TMPRSS15: variants seen among roughly 807,000 people sequenced by gnomAD.
The protein encoded by TMPRSS15 is transmembrane serine protease 15.
TMPRSS15 carries 128 observed loss-of-function variants against 125.3 expected under a neutral mutation model. The observed-to-expected ratio is 1.02, with a 90% CI of 0.89 to 1.18. TMPRSS15 has a LOEUF of 1.18. Among genes scored for constraint, TMPRSS15 ranks in the 50% most tolerant of loss-of-function variants. TMPRSS15 has a pLI of 0.00. For missense variants in TMPRSS15, 1,283 were observed against 1,212.7 expected (o/e 1.06, Z -0.86); for synonymous variants, 446 against 423.2 (o/e 1.05, Z -0.66).
In TMPRSS15 at chr21:18,294,342, C is replaced by T. The variant is rs775373680; in HGVS notation, c.2414G>A (p.Gly805Asp). 1 of 1,614,234 alleles carries T rather than the reference C, an allele frequency of 6.2e-7. No homozygotes were observed. Residue 805 changes from glycine (G) to aspartate (D), a missense_variant, in exon 21 of 25, where the codon GGC becomes GAC. Gly to Asp is a moderately conservative substitution (Grantham distance 94). Coordinates refer to ENST00000284885, the MANE Select transcript of TMPRSS15 (RefSeq NM_002772.3). Reference protein sequence around the residue: ...AWPWVVGLYYGGRLLCGASLV... With the variant: ...AWPWVVGLYYDGRLLCGASLV... ...AGATGCGCCGCAGAGCAGTCGGCCGCCATAATACAGACCCACAACCCAGGG... is the reference window on the plus strand; with the variant it reads ...AGATGCGCCGCAGAGCAGTCGGCCGTCATAATACAGACCCACAACCCAGGG...
intron 18 of TMPRSS15, 77 bp from the exon 19 acceptor site, chr21:18,297,906 T>C: frequency 8.9e-7 from 1 of 1,119,618 alleles, no homozygotes; most frequent in Non-Finnish European, 1.3e-6. Flanking sequence ...TTCAGTTCCT[T>C]AATGCTATGG....
chr21:18,410,062 A>T (rs1378654408), intron 1 of TMPRSS15, among the ~76,000 whole-genome samples: 3 of 150,242 alleles, frequency 2.0e-5, no homozygotes, highest in Non-Finnish European at 4.4e-5. Flanking sequence ...AGAGTAGGTT[A>T]ATGTCCTTAC....
chr21:18,343,309 C>T (rs2075468277), intron 12 of TMPRSS15, among the ~76,000 whole-genome samples, 197 bp downstream of exon 12: 1 of 151,988 alleles, frequency 6.6e-6, no homozygotes, highest in Non-Finnish European at 1.5e-5. Flanking sequence ...CATTGTTCCT[C>T]AATGATGGTT....
intron 10 of TMPRSS15, among the ~76,000 whole-genome samples, chr21:18,352,155 G>C (rs2075576302): frequency 6.6e-6 from 1 of 151,852 alleles, no homozygotes. Context: ...TTATGAATAT[G>C]TGTTCCAAGA....
chr21:18,380,373 T>C (rs958402019), intron 4 of TMPRSS15, among the ~76,000 whole-genome samples: 1 of 152,102 alleles, frequency 6.6e-6, no homozygotes, highest in Non-Finnish European at 1.5e-5. Context: ...ATTAGGAACA[T>C]TGTAATATTA....
At chr21:18,371,023 T>G (rs1471236514) in intron 6 of TMPRSS15, among the ~76,000 whole-genome samples, 1 of 152,148 alleles carries the variant, frequency 6.6e-6, no homozygotes, top group Non-Finnish European at 1.5e-5. Flanking sequence ...CAGTTAATAC[T>G]GTTAAATAAA....
At chr21:18,456,140 T>C (rs1340053117) in intron 1 of TMPRSS15, among the ~76,000 whole-genome samples, 1 of 152,148 alleles carries the variant, frequency 6.6e-6, no homozygotes, top group African/African-American at 2.4e-5. Flanking sequence ...GAACAGATAA[T>C]ACAGAATTAT....
intron 14 of TMPRSS15, among the ~76,000 whole-genome samples, chr21:18,331,640 C>T (rs2075346397): frequency 6.6e-6 from 1 of 152,082 alleles, no homozygotes; most frequent in Non-Finnish European, 1.5e-5. Context: ...AGTGTGAATG[C>T]TACAACTGGT....
chr21:18,333,805 C>A (rs2075366768), intron 13 of TMPRSS15, among the ~76,000 whole-genome samples: 1 of 152,018 alleles, frequency 6.6e-6, no homozygotes. Context: ...TTATAAAATT[C>A]TTAACATACT....
chr21:18,353,210 A>G (rs776542609), intron 9 of TMPRSS15, among the ~76,000 whole-genome samples, 158 bp from the exon 10 acceptor site: 8 of 151,710 alleles, frequency 5.3e-5, no homozygotes, highest in Non-Finnish European at 1.0e-4. Context: ...GTTGCATTCT[A>G]TTTATTTTTT....
chr21:18,341,513 A>G lies in TMPRSS15; in HGVS notation c.1464T>C (p.Ser488=). ...AFNAFKNKIL[S]DIALDDISLT... ...GGCTAATGTCATCCAACGCAATATC[A>G]CTCAGGATCTTGTTTTTAAAAGCAT... The change falls in exon 13 of 25, where the codon AGT becomes AGC. Residue 488 remains serine, a synonymous_variant. Transcript: ENST00000284885. The G allele has an allele frequency of 1.2e-6, 2 of 1,614,090 alleles. No individual in the cohort carries two copies. The highest frequency in any genetic ancestry group is 8.5e-7 in the Non-Finnish European group (1 of 1,179,984).
At position 18,344,161 on chromosome 21, in the gene TMPRSS15, G is replaced by C. The variant is rs113478298; in HGVS notation, c.1172-101C>G. On this transcript the variant is annotated intron_variant, in intron 10 of 24. Transcript: ENST00000284885. Reference sequence around the variant, plus strand: ...AGGAAAGAAAAACTTTAAGAAGAAAGGTTAAGGAAATATATTTTAATATAG... The same window carrying C: ...AGGAAAGAAAAACTTTAAGAAGAAACGTTAAGGAAATATATTTTAATATAG... 9 of 981,636 alleles carry C rather than the reference G, an allele frequency of 9.2e-6. No homozygotes were observed. In the South Asian group the frequency reaches 1.1e-4, roughly 12 times the overall value. The allele number at this position is 981,636 out of a possible 1,614,324, so 60.8% of individuals were successfully genotyped here.
intron 1 of TMPRSS15, among the ~76,000 whole-genome samples, chr21:18,479,876 T>A (rs1235071506): frequency 2.6e-5 from 4 of 152,030 alleles, no homozygotes; most frequent in Non-Finnish European, 5.9e-5. Context: ...GACCCAGCAA[T>A]CACATTACTG....
At chr21:18,305,945 A>G (rs2075034360) in intron 18 of TMPRSS15, among the ~76,000 whole-genome samples, 1 of 152,170 alleles carries the variant, frequency 6.6e-6, no homozygotes, top group Non-Finnish European at 1.5e-5. Context: ...TTAAAATAAG[A>G]TTTCTTCCAC....
chr21:18,308,402 C>T (rs529277077), intron 18 of TMPRSS15, among the ~76,000 whole-genome samples: 1 of 151,922 alleles, frequency 6.6e-6, no homozygotes, highest in Non-Finnish European at 1.5e-5. Flanking sequence ...CACACACACA[C>T]ACATTTAAAG....
chr21:18,341,367 G>A, intron 13 of TMPRSS15, 46 bp downstream of exon 13: 1 of 1,612,542 alleles, frequency 6.2e-7, no homozygotes, highest in Non-Finnish European at 8.5e-7. Flanking sequence ...CTCCACACCT[G>A]ACGTTAATGA....
intron 9 of TMPRSS15, 25 bp from the exon 10 acceptor site, chr21:18,353,077 T>TA (rs771025779): frequency 8.1e-6 from 13 of 1,600,752 alleles, no homozygotes; most frequent in South Asian, 4.4e-5. Flanking sequence ...AAAGAAGGAA[T>TA]AAAAAAAATT....
intron 1 of TMPRSS15, among the ~76,000 whole-genome samples, chr21:18,401,542 G>C (rs1343363491): frequency 6.6e-6 from 1 of 152,096 alleles, no homozygotes; most frequent in Non-Finnish European, 1.5e-5. Context: ...GGCACTCGTG[G>C]ACATAAAGAT....
At chr21:18,433,682 A>G (rs1375294826) in intron 1 of TMPRSS15, among the ~76,000 whole-genome samples, 3 of 151,288 alleles carry the variant, frequency 2.0e-5, no homozygotes, top group Admixed American at 6.6e-5. Flanking sequence ...AAAAAAAAAA[A>G]AAAAGAAAAT....
Sources: gnomAD v4.1 joint callset for allele counts (sites outside exome capture counted in the v4.1 genomes callset) on GRCh38, gnomAD v4.1.1 for gene constraint, MANE v1.5 for transcripts, NCBI Gene and HGNC (gene_info 2026-07-23, HGNC 2026-07-21) for gene names.